The following NFIB variants were observed in gnomAD, a reference collection of about 807,000 sequenced individuals.
The protein encoded by NFIB is nuclear factor 1 B-type.
NFIB carries 11 observed loss-of-function variants against 61.5 expected under a neutral mutation model. The observed-to-expected ratio is 0.18, with a 90% confidence interval of 0.11 to 0.30. The LOEUF is 0.30. NFIB is among the 10% of genes least tolerant of loss of function. The pLI is 1.00. For missense variants in NFIB, 471 were observed against 608.9 expected (o/e 0.77, Z 2.38); for synonymous variants, 260 against 216.5 (o/e 1.20, Z -1.76).
the NFIB span, among the ~76,000 whole-genome samples, chr9:14,434,106 A>G: frequency 6.6e-6 from 1 of 152,140 alleles, no homozygotes; most frequent in Non-Finnish European, 1.5e-5. Flanking sequence ...AAATACGTAC[A>G]TTTTCTTAAT....
intron 1 of NFIB, among the ~76,000 whole-genome samples, chr9:14,360,119 A>C (rs1459188970): frequency 6.6e-6 from 1 of 152,228 alleles, no homozygotes; most frequent in Admixed American, 6.5e-5. Context: ...ATAACTAAAA[A>C]AGACAATCAG....
the NFIB span, among the ~76,000 whole-genome samples, chr9:14,420,630 C>A: frequency 6.6e-6 from 1 of 152,034 alleles, no homozygotes; most frequent in African/African-American, 2.4e-5. Context: ...TAGCCTACCA[C>A]TGATGCTGTC....
At chr9:14,333,482 C>G (rs766926024) in intron 1 of NFIB, among the ~76,000 whole-genome samples, 14 of 152,076 alleles carry the variant, frequency 9.2e-5, no homozygotes, top group Non-Finnish European at 1.8e-4. Context: ...CCTTAGGGCT[C>G]ATTCTAGGCC....
chr9:14,149,476 A>G (rs2042627335), intron 5 of NFIB, among the ~76,000 whole-genome samples: 1 of 152,146 alleles, frequency 6.6e-6, no homozygotes, highest in Admixed American at 6.6e-5. Flanking sequence ...ACACATCTGT[A>G]ATCTTTATTC....
At chr9:14,112,300 C>T (rs2037497225) in intron 10 of NFIB, among the ~76,000 whole-genome samples, 3 of 152,156 alleles carry the variant, frequency 2.0e-5, no homozygotes, top group Admixed American at 2.0e-4. Context: ...ATGGTCCATG[C>T]TTTTGACTGT....
At chr9:14,239,799 C>G (rs1173677500) in intron 2 of NFIB, among the ~76,000 whole-genome samples, 1 of 152,040 alleles carries the variant, frequency 6.6e-6, no homozygotes, top group Non-Finnish European at 1.5e-5. Context: ...GTTTTCTACC[C>G]AGCAGAATAA....
chr9:14,162,770 CTAA>C, intron 3 of NFIB, among the ~76,000 whole-genome samples: 1 of 152,038 alleles, frequency 6.6e-6, no homozygotes, highest in East Asian at 1.9e-4. Context: ...CTTTTGCTTT[CTAA>C]TGTTGAGATA....
At chr9:14,340,725 A>G (rs2060939650) in intron 1 of NFIB, among the ~76,000 whole-genome samples, 1 of 152,184 alleles carries the variant, frequency 6.6e-6, no homozygotes, top group African/African-American at 2.4e-5. Flanking sequence ...TGTGGTTTGG[A>G]ATCTATTAAT....
At chr9:14,192,921 C>A (rs2048108130) in intron 2 of NFIB, among the ~76,000 whole-genome samples, 1 of 152,038 alleles carries the variant, frequency 6.6e-6, no homozygotes, top group African/African-American at 2.4e-5. Context: ...ATATCTGTCA[C>A]TCTAAAATAC....
chr9:14,521,303 G>A, the NFIB span, among the ~76,000 whole-genome samples: 1 of 152,186 alleles, frequency 6.6e-6, no homozygotes, highest in South Asian at 2.1e-4. Context: ...TTTGATTTGG[G>A]CTAGAAGTAC....
chr9:14,499,075 T>C, the NFIB span, among the ~76,000 whole-genome samples: 1 of 151,918 alleles, frequency 6.6e-6, no homozygotes, highest in South Asian at 2.1e-4. Flanking sequence ...TGGGTGTGTG[T>C]GTTTGTGTGT....
At chr9:14,450,415 G>A in the NFIB span, among the ~76,000 whole-genome samples, 1 of 152,186 alleles carries the variant, frequency 6.6e-6, no homozygotes, top group Middle Eastern at 3.2e-3. Context: ...TGAAGTTGAA[G>A]ATAATATTAT....
chr9:14,134,970 A>C (rs1172685841), intron 6 of NFIB, among the ~76,000 whole-genome samples: 2 of 151,958 alleles, frequency 1.3e-5, no homozygotes, highest in Non-Finnish European at 2.9e-5. Flanking sequence ...AGACAAAAAA[A>C]CTTACAAAAT....
chr9:14,487,907 G>A, the NFIB span, among the ~76,000 whole-genome samples: 1 of 152,154 alleles, frequency 6.6e-6, no homozygotes, highest in Non-Finnish European at 1.5e-5. Flanking sequence ...CAGGGTTAGT[G>A]GAGACTCAGG....
the NFIB span, among the ~76,000 whole-genome samples, chr9:14,430,996 G>A: frequency 1.3e-5 from 2 of 152,042 alleles, no homozygotes; most frequent in Admixed American, 1.3e-4. Context: ...AGACAATATG[G>A]GCATGGAAAT....
chr9:14,122,041 A>T (rs902054289), intron 7 of NFIB, among the ~76,000 whole-genome samples: 1 of 152,124 alleles, frequency 6.6e-6, no homozygotes, highest in Non-Finnish European at 1.5e-5. Flanking sequence ...TCCCAATTCA[A>T]ATAATAGGAA....
intron 2 of NFIB, among the ~76,000 whole-genome samples, chr9:14,293,562 C>T (rs1188947665): frequency 6.6e-6 from 1 of 152,164 alleles, no homozygotes; most frequent in African/African-American, 2.4e-5. Flanking sequence ...GTCCCTTCAA[C>T]AAAGCTGTAA....
chr9:14,096,574 A>C (rs1295635697), intron 10 of NFIB: 2 of 152,202 alleles, frequency 1.3e-5, no homozygotes. Flanking sequence ...AATCATGTGG[A>C]AAATGGACAT....
chr9:14,478,428 T>C, the NFIB span, among the ~76,000 whole-genome samples: 1 of 152,200 alleles, frequency 6.6e-6, no homozygotes, highest in African/African-American at 2.4e-5. Flanking sequence ...CCTTCTGCAA[T>C]AGCTGCATCT....
Sources: gnomAD v4.1 joint callset for allele counts (sites outside exome capture counted in the v4.1 genomes callset) on GRCh38, gnomAD v4.1.1 for gene constraint, MANE v1.5 for transcripts, NCBI Gene and HGNC (gene_info 2026-07-23, HGNC 2026-07-21) for gene names.